The following NOL4L variants were observed in gnomAD, a reference collection of about 807,000 sequenced individuals.
NOL4L encodes nucleolar protein 4-like.
A neutral mutation model predicts 64.5 loss-of-function variants in NOL4L; 7 were observed. The ratio of observed to expected loss-of-function variants is 0.11; its 90% CI spans 0.06 to 0.20. The LOEUF (loss-of-function observed/expected upper bound fraction) is 0.20, where lower values mean the gene tolerates loss of function less well. Among genes scored for constraint, NOL4L ranks in the 10% least tolerant of loss-of-function variants. The pLI, the probability that NOL4L is intolerant of heterozygous loss-of-function variation, is 1.00. For synonymous variants in NOL4L, 413 were observed against 401.0 expected, an observed-to-expected ratio of 1.03 and a Z score of -0.36; for missense variants, 680 against 967.1, an observed-to-expected ratio of 0.70 and a Z score of 3.94.
rs1344770569 is a variant in NOL4L at position 32,464,925 on chromosome 20, C to CT, written c.842-8531dup. ...CTGAGACGCAGCGTGTATTGCACAC[C>CT]TGTCTGCACTAGCCTTTTCCAAGGC... is the stretch of plus-strand genomic sequence containing the variant. On this transcript the variant is annotated intron_variant, in intron 5 of 10. Coordinates refer to ENST00000621426, the MANE Select transcript of NOL4L (RefSeq NM_001256798.2). This position sits in a 1 kb window ranked among gnomAD's most constrained non-coding sequence, Gnocchi z 5.6. 1 of 479,294 alleles carries CT rather than the reference C, an allele frequency of 2.1e-6. No individual in the cohort carries two copies. 29.7% of individuals were successfully genotyped at this position (479,294 alleles called of 1,614,324 possible).
chr20:32,476,198 G>GACACACACACACACAC (rs1167969757), intron 4 of NOL4L, among the ~76,000 whole-genome samples: 5 of 141,084 alleles, frequency 3.5e-5, no homozygotes, highest in South Asian at 2.4e-4. Flanking sequence ...CACCCGGAGG[G>GACACACACACACACAC]ACACACACAC....
At chr20:32,504,591 C>A (rs2017064054) in intron 4 of NOL4L, among the ~76,000 whole-genome samples, 2 of 146,650 alleles carry the variant, frequency 1.4e-5, no homozygotes, top group South Asian at 2.1e-4. Flanking sequence ...AAGAAAAAAA[C>A]ATCTCAAAAC....
At chr20:32,503,523 A>T (rs189469365) in intron 4 of NOL4L, among the ~76,000 whole-genome samples, 4 of 152,348 alleles carry the variant, frequency 2.6e-5, no homozygotes, top group African/African-American at 4.8e-5. Flanking sequence ...AGGCAGCCAA[A>T]GCAGCAGACC....
At chr20:32,459,017 C>T (rs892829845) in intron 5 of NOL4L, among the ~76,000 whole-genome samples, 6 of 152,246 alleles carry the variant, frequency 3.9e-5, no homozygotes, top group African/African-American at 2.4e-5. Flanking sequence ...GTGCCCCCGG[C>T]TGCCTGGCTG....
intron 4 of NOL4L, chr20:32,483,391 G>T (rs958409581): frequency 7.1e-6 from 7 of 985,568 alleles, no homozygotes; most frequent in Non-Finnish European, 7.2e-6. Flanking sequence ...GAGATGGGCG[G>T]TCGGGATCCG....
In NOL4L at chr20:32,583,554, C is replaced by G. The variant is rs1684493342; in HGVS notation, c.321+1016G>C. Among the ~76,000 whole-genome samples the G allele has an allele frequency of 2.7e-5, 4 of 147,328 alleles. No individual in the cohort carries two copies. In the South Asian group the frequency reaches 8.6e-4, roughly 32 times the overall value. On this transcript the variant is annotated intron_variant, in intron 1 of 10. Coordinates refer to ENST00000621426, the MANE Select transcript of NOL4L (RefSeq NM_001256798.2). ...GGGAGCAAGGAGGGCGGGGGGAGGC[C>G]GGCGCGGCCCGACCGGGCCGGGGGC...
intron 4 of NOL4L, among the ~76,000 whole-genome samples, chr20:32,497,158 C>CT (rs1470480181): frequency 6.6e-6 from 1 of 151,224 alleles, no homozygotes; most frequent in Non-Finnish European, 1.5e-5. Flanking sequence ...GCCATTATCT[C>CT]TAATTGATCT....
intron 10 of NOL4L, among the ~76,000 whole-genome samples, chr20:32,449,323 GAT>G (rs1438265350): frequency 6.6e-6 from 1 of 152,214 alleles, no homozygotes; most frequent in Non-Finnish European, 1.5e-5. Context: ...ATTCTCTCAT[GAT>G]TGCATCTCCA....
chr20:32,484,662 T>G (rs1347773797), intron 4 of NOL4L, among the ~76,000 whole-genome samples: 1 of 151,812 alleles, frequency 6.6e-6, no homozygotes, highest in African/African-American at 2.4e-5. Context: ...GAGCCACAGT[T>G]GTAAAGTAAT....
intron 1 of NOL4L, among the ~76,000 whole-genome samples, chr20:32,583,831 C>A (rs1344927420): frequency 2.1e-5 from 3 of 146,146 alleles, no homozygotes; most frequent in Non-Finnish European, 3.0e-5. Flanking sequence ...CCGCCCGGAC[C>A]GGGCCGGCCC....
intron 1 of NOL4L, among the ~76,000 whole-genome samples, chr20:32,578,526 C>T (rs1396337652): frequency 2.0e-5 from 3 of 152,322 alleles, no homozygotes; most frequent in Middle Eastern, 3.4e-3. Context: ...GCTGGGACTA[C>T]GGGTGCGTGC....
At chr20:32,543,867 T>C (rs1004146547) in intron 1 of NOL4L, among the ~76,000 whole-genome samples, 5 of 151,894 alleles carry the variant, frequency 3.3e-5, no homozygotes, top group Non-Finnish European at 7.4e-5. Context: ...GGCTGCCTCC[T>C]GAATGAGTGA....
chr20:32,542,264 A>G (rs898205868), intron 1 of NOL4L, among the ~76,000 whole-genome samples: 5 of 152,240 alleles, frequency 3.3e-5, no homozygotes, highest in Admixed American at 2.6e-4. Context: ...GGAGAAGGCT[A>G]CAATGGCCAG....
chr20:32,489,397 C>T (rs1465006653), intron 4 of NOL4L, among the ~76,000 whole-genome samples: 1 of 151,666 alleles, frequency 6.6e-6, no homozygotes, highest in Non-Finnish European at 1.5e-5. Context: ...CTCTGTTACC[C>T]AGACTGAAGT....
intron 1 of NOL4L, chr20:32,532,172 CT>C (rs2018368446): frequency 6.1e-6 from 1 of 164,100 alleles, no homozygotes; most frequent in Non-Finnish European, 1.3e-5. Context: ...CAGTTAGTTC[CT>C]TCTTTAAAAA....
chr20:32,476,083 C>T (rs1370502760), intron 4 of NOL4L, among the ~76,000 whole-genome samples: 1 of 152,070 alleles, frequency 6.6e-6, no homozygotes. Context: ...GTCCTCTCCC[C>T]ACACACAGGC....
rs2014420644 is a variant in NOL4L, at chr20:32,464,999, TC to T, written c.842-8605del. The T allele has an allele frequency of 3.3e-6, 2 of 611,978 alleles. No homozygotes were observed. The highest frequency in any genetic ancestry group is 3.1e-5 in the Admixed American group (1 of 32,732). The allele number at this position is 611,978 out of a possible 1,614,324, so 37.9% of individuals were successfully genotyped here. A position where few individuals can be genotyped will look rare whatever the true frequency, so the allele number is the denominator to read the frequency against. On this transcript the variant is annotated intron_variant, in intron 5 of 10. Transcript: ENST00000621426. The surrounding 1 kb of genome is among the most constrained non-coding windows in gnomAD (Gnocchi z 5.6). ...AATTAGACGTCACACACCTAGATCT[TC>T]CCCTAAAACTGAAATCATTTCTCTC...
Position 32,453,538 on chromosome 20 carries a change from C to A in NOL4L, c.1305+38G>T. 1 of 1,613,540 alleles carries A rather than the reference C, an allele frequency of 6.2e-7. No homozygotes were observed. Among genetic ancestry groups the A allele is most frequent in the East Asian group, 2.2e-5 (1 of 44,866 alleles). On this transcript the variant is annotated intron_variant, in intron 7 of 10. Transcript: ENST00000621426. The surrounding 1 kb of genome is among the most constrained non-coding windows in gnomAD (Gnocchi z 5.6). ...ATGGGAAGGGCTGGCCCTGGCCTTG[C>A]CCCCATCCCACCCCACCTGTTTCCG...
At position 32,556,285 on chromosome 20, in the gene NOL4L, G is replaced by T. The variant is rs537835520; in HGVS notation, c.321+28285C>A. Among the ~76,000 whole-genome samples, 265 of 151,574 alleles carry T rather than the reference G, an allele frequency of 1.7e-3. 1 individual carries two copies. The highest frequency in any genetic ancestry group is 5.2e-3 in the African/African-American group (213 of 41,068). On this transcript the variant is annotated intron_variant, in intron 1 of 10. Coordinates refer to ENST00000621426, the MANE Select transcript of NOL4L (RefSeq NM_001256798.2). ...AAATATTTCCTTTGTGGGGGGGGGGGGTTTCCCTGGAGCCCCTCAGCTCTG... is the reference window on the plus strand; with the variant it reads ...AAATATTTCCTTTGTGGGGGGGGGGTGTTTCCCTGGAGCCCCTCAGCTCTG...
Sources: gnomAD v4.1 joint callset for allele counts (sites outside exome capture counted in the v4.1 genomes callset) on GRCh38, gnomAD v4.1.1 for gene constraint, Gnocchi (gnomAD v3.1) non-coding constraint, MANE v1.5 for transcripts, NCBI Gene and HGNC (gene_info 2026-07-23, HGNC 2026-07-21) for gene names.